Variants in NLRP7 observed in about 807,000 individuals in gnomAD.
The protein encoded by NLRP7 is NLR family pyrin domain containing 7, also known as NACHT, LRR and PYD domains-containing protein 7.
In NLRP7, 72 loss-of-function variants were observed where a neutral mutation model predicts 85.5. The ratio of observed to expected loss-of-function variants is 0.84; its 90% CI spans 0.70 to 1.02. NLRP7 has a LOEUF of 1.02. NLRP7 is among the 50% of genes least tolerant of loss of function. The pLI, the probability that NLRP7 is intolerant of heterozygous loss-of-function variation, is 0.00. For synonymous variants in NLRP7, 550 were observed against 505.2 expected (o/e 1.09, Z -1.19); for missense variants, 1,243 against 1,219.5 (o/e 1.02, Z -0.29).
upstream of NLRP7, among the ~76,000 whole-genome samples, chr19:54,948,708 T>TGCAG (rs1360506196): frequency 1.3e-5 from 2 of 152,180 alleles, no homozygotes; most frequent in Non-Finnish European, 2.9e-5. Context: ...TAGCTGGGAC[T>TGCAG]GCAGGCACAT....
At chr19:54,937,403 T>C (rs765634056) in intron 5 of NLRP7, among the ~76,000 whole-genome samples, 72 of 150,686 alleles carry the variant, frequency 4.8e-4, no homozygotes, top group Non-Finnish European at 4.6e-4. Flanking sequence ...AAAAAAAAGA[T>C]AGCTGGGGCC....
chr19:54,937,664 G>A (rs539857332), intron 5 of NLRP7, among the ~76,000 whole-genome samples: 3 of 152,176 alleles, frequency 2.0e-5, no homozygotes, highest in South Asian at 4.2e-4. Context: ...TTGGAAGGCC[G>A]AGGCAGGCAA....
chr19:54,948,723 C>A (rs1043434448), upstream of NLRP7: 4 of 152,122 alleles, frequency 2.6e-5, no homozygotes, highest in African/African-American at 7.2e-5. Flanking sequence ...GCACATGCCA[C>A]CATGCCCAAC....
intron 5 of NLRP7, 130 bp downstream of exon 5, chr19:54,937,914 A>AT: frequency 1.3e-6 from 1 of 767,116 alleles, no homozygotes. Context: ...AAAAAAAAAA[A>AT]AAAAAAAGAC....
chr19:54,936,318 A>G (rs1407970563), exon 6 of NLRP7: 4 of 1,613,940 alleles, frequency 2.5e-6, no homozygotes, highest in Non-Finnish European at 3.4e-6. Flanking sequence ...CATCAGCATC[A>G]TCGTGCGTTC....
In NLRP7 at chr19:54,959,433, G is replaced by A. The variant is rs182002304; in HGVS notation, c.-77+6607C>T. Among the ~76,000 whole-genome samples, 28 of 149,814 alleles carry A rather than the reference G, an allele frequency of 1.9e-4. No individual in the cohort carries two copies. The East Asian group carries it at 2.3e-3, about 13-fold the overall frequency. On this transcript the variant is annotated intron_variant, in intron 1 of 2. Coordinates refer to the NLRP7 transcript ENST00000587103. ...ATTACAGGCGTGAGCCACCGTGCCC[G>A]GCCTCCTTGTTTTTTTTCTAAAACA... is the stretch of plus-strand genomic sequence containing the variant.
chr19:54,946,633 C>G (rs1390493959), intron 1 of NLRP7, among the ~76,000 whole-genome samples: 1 of 151,626 alleles, frequency 6.6e-6, no homozygotes, highest in Admixed American at 6.6e-5. Flanking sequence ...GGACACAGCA[C>G]AAGGTCTGGC....
chr19:54,930,050 G>C (rs1182205683), intron 9 of NLRP7, among the ~76,000 whole-genome samples: 1 of 148,232 alleles, frequency 6.7e-6, no homozygotes, highest in Admixed American at 6.8e-5. Flanking sequence ...GGGAGGAAGA[G>C]GTTGCAGTAA....
chr19:54,932,426 C>CAA lies in NLRP7; in HGVS notation c.2642+1141_2642+1142dup, dbSNP rs71960636. 1.6e-3 allele frequency among the ~76,000 whole-genome samples: 224 copies of CAA among 141,144 alleles called. 4 individuals are homozygous for CAA. The highest frequency in any genetic ancestry group is 3.7e-3 in the Middle Eastern group (1 of 272). The allele number at this position is 141,144 out of a possible 152,430, so 92.6% of individuals were successfully genotyped here. A position where few individuals can be genotyped will look rare whatever the true frequency, so the allele number is the denominator to read the frequency against. On this transcript the variant is annotated intron_variant, in intron 8 of 9. Coordinates refer to ENST00000340844, the Ensembl canonical transcript of NLRP7. ...CTGGGCGACAGAGTGAGACTTCATC[C>CAA]AAAAAAAAAAAAATGAATCTCAGAA...
At chr19:54,945,584 C>T (rs890805806) in intron 1 of NLRP7, among the ~76,000 whole-genome samples, 3 of 151,220 alleles carry the variant, frequency 2.0e-5, no homozygotes, top group Admixed American at 1.3e-4. Context: ...ATTTTTTTTC[C>T]CAAGTACATT....
At chr19:54,927,381 C>G (rs1161003883) in intron 9 of NLRP7, among the ~76,000 whole-genome samples, 1 of 138,772 alleles carries the variant, frequency 7.2e-6, no homozygotes, top group Non-Finnish European at 1.6e-5. Flanking sequence ...AACTCCGTCT[C>G]AAAAAAAAAA....
At chr19:54,924,929 T>C (rs1206711514) in intron 9 of NLRP7, among the ~76,000 whole-genome samples, 1 of 152,130 alleles carries the variant, frequency 6.6e-6, no homozygotes. Flanking sequence ...AGAGCGAGAC[T>C]CTGCCTCCAA....
At chr19:54,945,251 A>AG (rs1288047648) in intron 1 of NLRP7, among the ~76,000 whole-genome samples, 6 of 149,856 alleles carry the variant, frequency 4.0e-5, no homozygotes, top group African/African-American at 1.5e-4. Flanking sequence ...AAAAAAAAAA[A>AG]AAAAGAAAAG....
chr19:54,930,097 T>C (rs1451051124), intron 9 of NLRP7, among the ~76,000 whole-genome samples: 2 of 106,342 alleles, frequency 1.9e-5, no homozygotes, highest in South Asian at 3.0e-4. Context: ...CCTGGGCAAC[T>C]AGAACGAGGC....
At chr19:54,939,311 A>G in exon 4 of NLRP7, 2 of 1,614,120 alleles carry the variant, frequency 1.2e-6, no homozygotes, top group Non-Finnish European at 1.7e-6. Context: ...TCCGGAAAGC[A>G]GCTTCTGTAC....
At chr19:54,936,175 G>A (rs1231319570) in intron 6 of NLRP7, 86 bp downstream of exon 6, 3 of 1,198,864 alleles carry the variant, frequency 2.5e-6, no homozygotes, top group Non-Finnish European at 3.7e-6. Context: ...ACGGCATCTG[G>A]AGTGGTTACC....
At chr19:54,953,928 A>AC (rs2069760804) in intron 1 of NLRP7, among the ~76,000 whole-genome samples, 1 of 151,728 alleles carries the variant, frequency 6.6e-6, no homozygotes, top group African/African-American at 2.4e-5. Flanking sequence ...AACGGCGTGA[A>AC]CCCGGGTGAT....
chr19:54,926,445 C>CA (rs1213590536), intron 9 of NLRP7, among the ~76,000 whole-genome samples: 1 of 152,034 alleles, frequency 6.6e-6, no homozygotes, highest in African/African-American at 2.4e-5. Context: ...CACACACTCC[C>CA]AAAAAAACTC....
intron 1 of NLRP7, among the ~76,000 whole-genome samples, chr19:54,943,548 C>A (rs547134633): frequency 5.2e-4 from 69 of 131,604 alleles, no homozygotes; most frequent in African/African-American, 1.8e-3. Flanking sequence ...TTGCAGTGAG[C>A]GGAGATCGCG....
Sources: allele counts gnomAD v4.1 joint callset (sites outside exome capture counted in the v4.1 genomes callset), GRCh38; gene constraint gnomAD v4.1.1; transcripts MANE v1.5; gene names NCBI Gene and HGNC (gene_info 2026-07-23, HGNC 2026-07-21).